Variants in KBTBD12 observed in about 807,000 individuals in gnomAD.
KBTBD12 encodes kelch repeat and BTB domain-containing protein 12.
A neutral mutation model predicts 58.7 loss-of-function variants in KBTBD12; 53 were observed. The ratio of observed to expected loss-of-function variants is 0.90; its 90% CI spans 0.72 to 1.14. The LOEUF (loss-of-function observed/expected upper bound fraction) is 1.14. Among genes scored for constraint, KBTBD12 ranks in the 50% most tolerant of loss-of-function variants. The pLI is 0.00. For missense variants in KBTBD12, 704 were observed against 751.3 expected (o/e 0.94, Z 0.74); for synonymous variants, 236 against 259.8 (o/e 0.91, Z 0.88).
At chr3:127,936,063 A>T (rs568014013) in intron 4 of KBTBD12, among the ~76,000 whole-genome samples, 2 of 152,240 alleles carry the variant, frequency 1.3e-5, no homozygotes, top group South Asian at 4.1e-4. Context: ...CCTAAAATAC[A>T]TGAAGCAAAA....
At position 127,929,331 on chromosome 3, in the gene KBTBD12, T is replaced by G. The variant is rs184912423; in HGVS notation, c.1342-802T>G. Among the ~76,000 whole-genome samples, 158 of 152,326 alleles carry G rather than the reference T, an allele frequency of 1.0e-3. 1 individual carries two copies. The highest frequency in any genetic ancestry group is 3.6e-3 in the African/African-American group (150 of 41,564). On this transcript the variant is annotated intron_variant, in intron 3 of 5. Coordinates refer to ENST00000405109, the MANE Select transcript of KBTBD12 (RefSeq NM_207335.4). The stretch of plus-strand genomic sequence containing the variant: ...ATTTAAAGTGGTTAACTAAAATTAA[T>G]TGCATAAACTTTCATAAGTATGCCA...
intron 4 of KBTBD12, among the ~76,000 whole-genome samples, chr3:127,945,968 C>T (rs375134371): frequency 3.5e-4 from 54 of 152,216 alleles, no homozygotes; most frequent in African/African-American, 1.3e-3. Flanking sequence ...CGTGAGCCAC[C>T]GCGCCTGGCC....
chr3:127,920,737 AAT>A (rs139435578), intron 1 of KBTBD12, among the ~76,000 whole-genome samples: 8,552 of 152,112 alleles, frequency 0.056, 270 homozygotes, highest in East Asian at 0.097. Context: ...CTCAAAATGA[AAT>A]ATAGTGGACA....
intron 5 of KBTBD12, among the ~76,000 whole-genome samples, chr3:127,975,211 G>A (rs1397202222): frequency 1.3e-5 from 2 of 152,182 alleles, no homozygotes; most frequent in African/African-American, 4.8e-5. Context: ...AGGCAGTGTA[G>A]AACACACCTC....
At chr3:127,918,511 G>A (rs1559757567) in intron 1 of KBTBD12, among the ~76,000 whole-genome samples, 1 of 152,136 alleles carries the variant, frequency 6.6e-6, no homozygotes, top group East Asian at 1.9e-4. Context: ...AGCAGATTGA[G>A]ACCATCCTGG....
chr3:127,984,360 C>A lies in KBTBD12; in HGVS notation c.*82C>A. On this transcript the variant is annotated 3_prime_UTR_variant, in exon 6 of 6. Coordinates refer to ENST00000405109, the MANE Select transcript of KBTBD12 (RefSeq NM_207335.4). ...AGGGCCCACAGCATCTCTGTCATGC[C>A]AGTCATGTGCACTGCATGCGTAGTG... 1 of 1,259,258 alleles carries A rather than the reference C, an allele frequency of 7.9e-7. No homozygotes were observed. Among genetic ancestry groups the A allele is most frequent in the Non-Finnish European group, 1.1e-6 (1 of 887,140 alleles). The allele number at this position is 1,259,258 out of a possible 1,614,324, so 78.0% of individuals were successfully genotyped here. A position where few individuals can be genotyped will look rare whatever the true frequency, so the allele number is the denominator to read the frequency against.
intron 1 of KBTBD12, among the ~76,000 whole-genome samples, chr3:127,918,095 C>G (rs1939300565): frequency 6.6e-6 from 1 of 152,120 alleles, no homozygotes; most frequent in South Asian, 2.1e-4. Context: ...AGTGGTGCAG[C>G]TACAGGGGAG....
At chr3:127,966,861 G>GAGAA (rs1231232431) in intron 5 of KBTBD12, among the ~76,000 whole-genome samples, 4 of 152,178 alleles carry the variant, frequency 2.6e-5, no homozygotes, top group Non-Finnish European at 5.9e-5. Context: ...AGTTCCTAAA[G>GAGAA]AGAAAAAACA....
chr3:127,958,965 G>A (rs959351848), intron 4 of KBTBD12, among the ~76,000 whole-genome samples: 2 of 152,178 alleles, frequency 1.3e-5, no homozygotes, highest in African/African-American at 4.8e-5. Flanking sequence ...TAGAAGGCAG[G>A]TAAGCAGCTG....
In KBTBD12 at chr3:127,941,287, T is replaced by C. The variant is rs150948952; in HGVS notation, c.1492+11004T>C. ...AAACATGCAAATCCTTAACAAAATA[T>C]TAGCAAGTTCAACCCAGCAATATAT... On this transcript the variant is annotated intron_variant, in intron 4 of 5. Transcript: ENST00000405109. 3.9e-5 allele frequency among the ~76,000 whole-genome samples: 6 copies of C among 152,234 alleles called. No homozygotes were observed. The East Asian group carries it at 1.2e-3, about 29-fold the overall frequency.
intron 4 of KBTBD12, among the ~76,000 whole-genome samples, chr3:127,938,659 G>A (rs779056536): frequency 1.3e-5 from 2 of 152,142 alleles, no homozygotes; most frequent in Non-Finnish European, 2.9e-5. Context: ...AAAACCAACC[G>A]TATTCTGTTT....
chr3:127,927,350 A>T (rs1306139085), intron 2 of KBTBD12, among the ~76,000 whole-genome samples: 1 of 152,098 alleles, frequency 6.6e-6, no homozygotes, highest in East Asian at 1.9e-4. Context: ...GATTTCTTTA[A>T]TGTTCGTATG....
intron 4 of KBTBD12, among the ~76,000 whole-genome samples, chr3:127,935,456 A>G (rs1490298354): frequency 6.6e-6 from 1 of 152,148 alleles, no homozygotes; most frequent in Non-Finnish European, 1.5e-5. Flanking sequence ...ATTTTAAAAA[A>G]TAGTTTAAAA....
At chr3:127,918,481 G>A (rs1355610938) in intron 1 of KBTBD12, among the ~76,000 whole-genome samples, 1 of 152,206 alleles carries the variant, frequency 6.6e-6, no homozygotes, top group Non-Finnish European at 1.5e-5. Flanking sequence ...GGGAGGCCGA[G>A]GCGGGCAGAT....
chr3:127,963,595 T>C, intron 5 of KBTBD12: 3 of 533,008 alleles, frequency 5.6e-6, no homozygotes, highest in Non-Finnish European at 9.8e-6. Context: ...TCGTAAGAAT[T>C]AAATGGAATC....
chr3:127,922,191 G>A (rs1939426909), intron 1 of KBTBD12, among the ~76,000 whole-genome samples: 1 of 152,110 alleles, frequency 6.6e-6, no homozygotes, highest in Admixed American at 6.5e-5. Context: ...GCTTTTTAAG[G>A]TGAAGAGAGA....
chr3:127,942,652 AT>A (rs1939978394), intron 4 of KBTBD12, among the ~76,000 whole-genome samples: 1 of 148,064 alleles, frequency 6.8e-6, no homozygotes, highest in African/African-American at 2.5e-5. Context: ...ATAACTATAT[AT>A]ATAACTACAT....
Position 127,959,174 on chromosome 3 carries a change from A to G in KBTBD12, c.1493-4015A>G, listed in dbSNP as rs149742034. ...AACAAATCATCACAAGCATTATATT[A>G]GCAGTGAATAGATCATGTCTGACAT... On this transcript the variant is annotated intron_variant, in intron 4 of 5. Coordinates refer to ENST00000405109, the MANE Select transcript of KBTBD12 (RefSeq NM_207335.4). Among the ~76,000 whole-genome samples, 158 of 152,328 alleles carry G rather than the reference A, an allele frequency of 1.0e-3. 1 individual carries two copies. In the East Asian group the frequency reaches 0.024, roughly 23 times the overall value.
At chr3:127,926,550 C>T (rs757667088) in intron 2 of KBTBD12, among the ~76,000 whole-genome samples, 10 of 152,134 alleles carry the variant, frequency 6.6e-5, no homozygotes, top group Non-Finnish European at 7.4e-5. Flanking sequence ...TGTGACAAGC[C>T]AGACATACCC....
Sources: gnomAD v4.1 joint callset for allele counts (sites outside exome capture counted in the v4.1 genomes callset) on GRCh38, gnomAD v4.1.1 for gene constraint, MANE v1.5 for transcripts, NCBI Gene and HGNC (gene_info 2026-07-23, HGNC 2026-07-21) for gene names.